KCMF1: variants seen among roughly 807,000 people sequenced by gnomAD.
KCMF1 encodes potassium channel modulatory factor 1.
KCMF1 carries 3 observed loss-of-function variants against 41.1 expected under a neutral mutation model. The observed-to-expected ratio is 0.07, with a 90% CI of 0.03 to 0.19. KCMF1 has a LOEUF of 0.19. Among genes scored for constraint, KCMF1 ranks in the 10% least tolerant of loss-of-function variants. The pLI is 1.00. For missense variants in KCMF1, 286 were observed against 488.9 expected (o/e 0.58, Z 3.91); for synonymous variants, 142 against 164.5 (o/e 0.86, Z 1.04).
At chr2:84,985,546 C>T (rs927956329) in intron 1 of KCMF1, among the ~76,000 whole-genome samples, 3 of 152,060 alleles carry the variant, frequency 2.0e-5, no homozygotes, top group Admixed American at 2.0e-4. Context: ...AACCCTTGGG[C>T]CTGGCCTGGC....
At chr2:84,982,918 TTTTCTC>T (rs1291303323) in intron 1 of KCMF1, among the ~76,000 whole-genome samples, 1 of 152,210 alleles carries the variant, frequency 6.6e-6, no homozygotes, top group Non-Finnish European at 1.5e-5. Context: ...GTGGGACTGA[TTTTCTC>T]TTCTCTAGGA....
chr2:85,012,625 A>T (rs1674679221), intron 1 of KCMF1, among the ~76,000 whole-genome samples: 1 of 152,206 alleles, frequency 6.6e-6, no homozygotes, highest in Non-Finnish European at 1.5e-5. Flanking sequence ...TGCATGTCTT[A>T]TCACTTCAAA....
chr2:84,990,265 A>T (rs12620746), intron 1 of KCMF1, among the ~76,000 whole-genome samples: 12,111 of 152,178 alleles, frequency 0.08, 770 homozygotes, highest in East Asian at 0.34. Flanking sequence ...GGAAGGAGAG[A>T]TGACAACAGC....
intron 1 of KCMF1, among the ~76,000 whole-genome samples, chr2:84,993,547 CATTA>C (rs1374047564): frequency 7.1e-6 from 1 of 140,612 alleles, no homozygotes; most frequent in Non-Finnish European, 1.6e-5. Context: ...TCTCTACCCC[CATTA>C]TTTATTTATT....
chr2:85,047,011 T>C (rs1018533700), intron 5 of KCMF1, among the ~76,000 whole-genome samples: 3 of 152,200 alleles, frequency 2.0e-5, no homozygotes, highest in South Asian at 2.1e-4. Context: ...AATTAAACTT[T>C]AGCACAACAG....
chr2:85,002,701 G>A (rs1674364448), intron 1 of KCMF1, among the ~76,000 whole-genome samples: 1 of 151,704 alleles, frequency 6.6e-6, no homozygotes, highest in Non-Finnish European at 1.5e-5. Flanking sequence ...GACCTTAGTA[G>A]CTACAGAGAA....
At chr2:85,045,405 A>ATTTT (rs1488532061) in intron 4 of KCMF1, among the ~76,000 whole-genome samples, 1 of 152,188 alleles carries the variant, frequency 6.6e-6, no homozygotes, top group Non-Finnish European at 1.5e-5. Context: ...CGGTCCTTAA[A>ATTTT]TAACTCCAGA....
At position 85,057,573 on chromosome 2, in the gene KCMF1, G is replaced by A. The variant is rs1224449037; in HGVS notation, c.*4164G>A. 6.6e-6 allele frequency: 1 copy of A among 152,220 alleles called. No homozygotes were observed. The highest frequency in any genetic ancestry group is 1.5e-5 in the Non-Finnish European group (1 of 68,050). 9.4% of individuals were successfully genotyped at this position (152,220 alleles called of 1,614,324 possible). On this transcript the variant is annotated 3_prime_UTR_variant, in exon 7 of 7. Coordinates refer to ENST00000409785, the MANE Select transcript of KCMF1 (RefSeq NM_020122.5). The stretch of plus-strand genomic sequence containing the variant: ...TACGGTATTCCAAAGCCAAATTCAA[G>A]TGACTGTTTTTCTGAATAGTATAAA...
chr2:84,974,763 TGGCGTGATCTTGGCTCAC>T, intron 1 of KCMF1, among the ~76,000 whole-genome samples: 1 of 129,442 alleles, frequency 7.7e-6, no homozygotes, highest in African/African-American at 2.9e-5. Flanking sequence ...TAGGGTGCAG[TGGCGTGATCTTGGCTCAC>T]TGCAACCTGC....
At chr2:85,008,381 T>TATTATATATCA in intron 1 of KCMF1, among the ~76,000 whole-genome samples, 1 of 19,070 alleles carries the variant, frequency 5.2e-5, no homozygotes, top group African/African-American at 1.1e-4. Flanking sequence ...ATATGATATA[T>TATTATATATCA]TATATATGAT....
At chr2:85,008,781 T>TG (rs1365253697) in intron 1 of KCMF1, among the ~76,000 whole-genome samples, 1 of 147,722 alleles carries the variant, frequency 6.8e-6, no homozygotes, top group Non-Finnish European at 1.5e-5. Flanking sequence ...TTTTTTTTTT[T>TG]GGAGACAGGG....
chr2:85,040,255 C>T (rs1030745601), intron 3 of KCMF1, among the ~76,000 whole-genome samples: 1 of 152,146 alleles, frequency 6.6e-6, no homozygotes, highest in African/African-American at 2.4e-5. Flanking sequence ...ATTACTCTAT[C>T]GTGTGGCAGT....
intron 2 of KCMF1, among the ~76,000 whole-genome samples, chr2:85,034,034 A>AAAT (rs150412648): frequency 2.7e-5 from 4 of 149,394 alleles, no homozygotes; most frequent in African/African-American, 9.9e-5. Flanking sequence ...AAAAAAAAAA[A>AAAT]TTTTTTTTTT....
chr2:84,973,829 T>C (rs536974053), intron 1 of KCMF1, among the ~76,000 whole-genome samples: 168 of 143,798 alleles, frequency 1.2e-3, no homozygotes, highest in African/African-American at 3.3e-3. Context: ...TTCTTTCTTT[T>C]TTTTTTTTTT....
intron 3 of KCMF1, among the ~76,000 whole-genome samples, chr2:85,040,659 C>T (rs138418345): frequency 9.3e-4 from 142 of 152,292 alleles, no homozygotes; most frequent in African/African-American, 3.4e-3. Context: ...AGCATCTGAG[C>T]TTAGTTTTCC....
intron 4 of KCMF1, among the ~76,000 whole-genome samples, chr2:85,045,344 T>C (rs1239812745): frequency 6.6e-6 from 1 of 152,096 alleles, no homozygotes; most frequent in African/African-American, 2.4e-5. Context: ...ATGAATATGA[T>C]GGAACAGGGC....
chr2:84,991,806 A>G (rs974421672), intron 1 of KCMF1, among the ~76,000 whole-genome samples: 47 of 152,216 alleles, frequency 3.1e-4, no homozygotes, highest in Admixed American at 2.6e-3. Flanking sequence ...TCTAGAAGAA[A>G]GATTGAACCA....
intron 1 of KCMF1, among the ~76,000 whole-genome samples, chr2:84,990,039 A>T (rs901069272): frequency 6.6e-6 from 1 of 152,230 alleles, no homozygotes. Flanking sequence ...AAACTTAAGA[A>T]GATGATTTTC....
intron 1 of KCMF1, among the ~76,000 whole-genome samples, chr2:85,022,989 G>T (rs548588586): frequency 6.9e-6 from 1 of 145,900 alleles, no homozygotes; most frequent in Non-Finnish European, 1.5e-5. Context: ...CTGGGTTCAC[G>T]CCATTCTCCT....
Sources: allele counts gnomAD v4.1 joint callset (sites outside exome capture counted in the v4.1 genomes callset), GRCh38; gene constraint gnomAD v4.1.1; transcripts MANE v1.5; gene names NCBI Gene and HGNC (gene_info 2026-07-23, HGNC 2026-07-21).